STK32B: variants seen among roughly 807,000 people sequenced by gnomAD.
STK32B encodes serine/threonine kinase 32B.
In STK32B, 43 loss-of-function variants were observed where a neutral mutation model predicts 52.6. The observed-to-expected ratio is 0.82, with a 90% confidence interval of 0.64 to 1.05. STK32B has a LOEUF of 1.05. STK32B is among the 50% of genes least tolerant of loss of function. The pLI is 0.00. For missense variants in STK32B, 621 were observed against 534.6 expected (o/e 1.16, Z -1.59); for synonymous variants, 238 against 204.3 (o/e 1.17, Z -1.41).
At chr4:5,496,210 T>C (rs1720232052) in intron 11 of STK32B, among the ~76,000 whole-genome samples, 1 of 152,252 alleles carries the variant, frequency 6.6e-6, no homozygotes, top group Admixed American at 6.5e-5. Flanking sequence ...GCAAGCCTCC[T>C]TGAGCTGTGG....
chr4:5,114,958 C>T (rs1714635751), intron 1 of STK32B, among the ~76,000 whole-genome samples: 1 of 152,202 alleles, frequency 6.6e-6, no homozygotes, highest in African/African-American at 2.4e-5. Flanking sequence ...GGGAGAGAGC[C>T]ACTGTTCAAA....
intron 6 of STK32B, among the ~76,000 whole-genome samples, chr4:5,417,334 G>A (rs1396221670): frequency 6.6e-6 from 1 of 152,150 alleles, no homozygotes; most frequent in African/African-American, 2.4e-5. Flanking sequence ...GTTTTTTAAG[G>A]AATTTTTATG....
At chr4:5,149,090 G>A (rs915240017) in intron 2 of STK32B, among the ~76,000 whole-genome samples, 23 of 151,620 alleles carry the variant, frequency 1.5e-4, no homozygotes, top group South Asian at 2.1e-4. Context: ...TTCTTAAAAC[G>A]CTGTGTAAAG....
At chr4:5,244,021 G>T (rs1321608499) in intron 3 of STK32B, among the ~76,000 whole-genome samples, 1 of 152,038 alleles carries the variant, frequency 6.6e-6, no homozygotes, top group African/African-American at 2.4e-5. Flanking sequence ...GTTCATCAAG[G>T]ATATTGGTCT....
intron 1 of STK32B, among the ~76,000 whole-genome samples, chr4:5,134,819 T>C (rs374840587): frequency 3.9e-5 from 6 of 152,348 alleles, no homozygotes; most frequent in East Asian, 1.9e-4. Flanking sequence ...AGTGCTTAAA[T>C]GCATGTGTTT....
At chr4:5,299,829 C>T (rs542826853) in intron 3 of STK32B, among the ~76,000 whole-genome samples, 1 of 152,202 alleles carries the variant, frequency 6.6e-6, no homozygotes, top group East Asian at 1.9e-4. Flanking sequence ...AGCCCTGGAC[C>T]AGATGGATTA....
intron 1 of STK32B, among the ~76,000 whole-genome samples, chr4:5,137,011 G>A (rs993321403): frequency 6.6e-6 from 1 of 152,160 alleles, no homozygotes; most frequent in Non-Finnish European, 1.5e-5. Flanking sequence ...GGGTGAGTGG[G>A]AATATTTACA....
intron 9 of STK32B, among the ~76,000 whole-genome samples, chr4:5,463,440 T>A (rs1308543196): frequency 1.3e-5 from 2 of 151,644 alleles, no homozygotes; most frequent in Non-Finnish European, 2.9e-5. Context: ...TCAGCCCCTC[T>A]CCTGCACACA....
intron 1 of STK32B, among the ~76,000 whole-genome samples, chr4:5,110,364 A>G (rs1257160736): frequency 6.6e-6 from 1 of 152,062 alleles, no homozygotes; most frequent in African/African-American, 2.4e-5. Context: ...TTCAAATTAT[A>G]CTACCAGGCC....
chr4:5,066,804 A>T (rs1742442463), intron 1 of STK32B, among the ~76,000 whole-genome samples: 1 of 151,914 alleles, frequency 6.6e-6, no homozygotes, highest in Non-Finnish European at 1.5e-5. Flanking sequence ...TGTCCCCTGA[A>T]ACACTCTTTC....
At chr4:5,372,467 G>A (rs1467432310) in intron 4 of STK32B, among the ~76,000 whole-genome samples, 2 of 152,068 alleles carry the variant, frequency 1.3e-5, no homozygotes, top group Non-Finnish European at 2.9e-5. Context: ...CACTCCCTTA[G>A]CACACATTCA....
chr4:5,381,793 T>C (rs1342673104), intron 4 of STK32B, among the ~76,000 whole-genome samples: 1 of 152,198 alleles, frequency 6.6e-6, no homozygotes, highest in African/African-American at 2.4e-5. Context: ...GGGTTTTTAA[T>C]CCTGGCTCTT....
intron 3 of STK32B, among the ~76,000 whole-genome samples, chr4:5,290,254 G>C (rs566715381): frequency 4.6e-5 from 7 of 152,076 alleles, no homozygotes; most frequent in Non-Finnish European, 8.8e-5. Flanking sequence ...TTAGTATACT[G>C]TAACATTTTT....
chr4:5,315,683 T>TTTTTC (rs1428187411), intron 3 of STK32B, among the ~76,000 whole-genome samples: 1 of 91,544 alleles, frequency 1.1e-5, no homozygotes, highest in Non-Finnish European at 2.0e-5. Context: ...TTTCTTTTTC[T>TTTTTC]TTTTTTTTTT....
chr4:5,205,257 T>C (rs1397087313), intron 3 of STK32B, among the ~76,000 whole-genome samples: 1 of 152,132 alleles, frequency 6.6e-6, no homozygotes, highest in African/African-American at 2.4e-5. Context: ...TCAGACTGAA[T>C]CACAACACTA....
intron 6 of STK32B, among the ~76,000 whole-genome samples, chr4:5,434,452 G>GTATATA (rs1182103278): frequency 0.024 from 3,430 of 143,006 alleles, 58 homozygotes; most frequent in South Asian, 0.055. Flanking sequence ...GTGTGTGTGT[G>GTATATA]TGTATATATA....
At position 5,187,774 on chromosome 4, in the gene STK32B, C is replaced by A. The variant is rs75151992; in HGVS notation, c.260+19324C>A. Among the ~76,000 whole-genome samples the A allele has an allele frequency of 2.1e-3, 322 of 152,280 alleles. 6 individuals carry two copies. In the East Asian group the frequency reaches 0.052, roughly 24 times the overall value. ...TGATGAGCTAGTATAAGCCGGCTCC[C>A]GCACAACTCTGCCAGACTCAGATCT... On this transcript the variant is annotated intron_variant, in intron 3 of 11. Transcript: ENST00000282908.
chr4:5,495,914 G>A (rs1442169334), intron 11 of STK32B, among the ~76,000 whole-genome samples: 2 of 152,178 alleles, frequency 1.3e-5, no homozygotes, highest in Non-Finnish European at 2.9e-5. Context: ...TGCGAATGCT[G>A]CTCTCTGATC....
intron 3 of STK32B, among the ~76,000 whole-genome samples, chr4:5,294,558 G>A (rs1228189594): frequency 6.6e-6 from 1 of 152,112 alleles, no homozygotes; most frequent in Non-Finnish European, 1.5e-5. Flanking sequence ...GTTCACTCAT[G>A]ATTTGGCTCT....
Sources: gnomAD v4.1 joint callset for allele counts (sites outside exome capture counted in the v4.1 genomes callset) on GRCh38, gnomAD v4.1.1 for gene constraint, MANE v1.5 for transcripts, NCBI Gene and HGNC (gene_info 2026-07-23, HGNC 2026-07-21) for gene names.